Variants in SPEG observed in about 807,000 individuals in gnomAD.
SPEG encodes striated muscle enriched protein kinase.
In SPEG, 114 loss-of-function variants were observed where a neutral mutation model predicts 300.4. The observed-to-expected ratio is 0.38, with a 90% CI of 0.33 to 0.44. The LOEUF (loss-of-function observed/expected upper bound fraction) is 0.44. Among genes scored for constraint, SPEG ranks in the 20% least tolerant of loss-of-function variants. The probability of loss-of-function intolerance (pLI) is 1.00; values close to 1 mark genes in which losing one functional copy is unlikely to be tolerated. For missense variants in SPEG, 4,201 were observed against 4,586.2 expected, an observed-to-expected ratio of 0.92 and a Z score of 2.43; for synonymous variants, 1,964 against 2,018.9, an observed-to-expected ratio of 0.97 and a Z score of 0.73.
chr2:219,467,188 C>A lies in SPEG; in HGVS notation c.2896C>A (p.Arg966=). 1 of 1,581,638 alleles carries A rather than the reference C, an allele frequency of 6.3e-7. No homozygotes were observed. The highest frequency in any genetic ancestry group is 8.6e-7 in the Non-Finnish European group (1 of 1,165,158). Residue 966 remains arginine, a synonymous_variant, in exon 10 of 41, where the codon CGG becomes AGG. Coordinates refer to ENST00000312358, the MANE Select transcript of SPEG (RefSeq NM_005876.5). ...TTTCCCCTCAGCACACCCTGAAAGC[C>A]GGTCCCTGGCCGTGCTGGCCCCCCT... ...RLEVRAHPES[R]SLAVLAPLQD... is the part of the protein sequence containing the mutation.
At position 219,477,624 on chromosome 2, in the gene SPEG, G is replaced by C; in HGVS notation, c.4730-65G>C. 1 of 1,435,848 alleles carries C rather than the reference G, an allele frequency of 7.0e-7. No homozygotes were observed. Among genetic ancestry groups the C allele is most frequent in the Non-Finnish European group, 9.5e-7 (1 of 1,052,620 alleles). 88.9% of individuals were successfully genotyped at this position (1,435,848 alleles called of 1,614,324 possible). ...TTCTCTCTTCTTCTTCTGTCCACCT[G>C]TCCCAGTCTCTGGCCTGCTTGCTTT... On this transcript the variant is annotated intron_variant, in intron 20 of 40. Coordinates refer to ENST00000312358, the MANE Select transcript of SPEG (RefSeq NM_005876.5). The surrounding 1 kb of genome is among the most constrained non-coding windows in gnomAD (Gnocchi z 6.4).
rs1484150366 is a variant in SPEG, at chr2:219,469,261, G to A, written c.3597G>A (p.Val1199=). Residue 1199 remains valine (V), a synonymous_variant, in exon 13 of 41, where the codon GTG becomes GTA. Coordinates refer to ENST00000312358, the MANE Select transcript of SPEG (RefSeq NM_005876.5). ...TGCGGCCACTGCAGGACCTGGAGGTGGGACTGGCCAAGGAGGCCATGCTAG... is the reference window on the plus strand; with the variant it reads ...TGCGGCCACTGCAGGACCTGGAGGTAGGACTGGCCAAGGAGGCCATGCTAG... ...DFLRPLQDLE[V]GLAKEAMLEC... is the part of the protein sequence containing the mutation. The A allele has an allele frequency of 6.2e-7, 1 of 1,613,816 alleles. No individual in the cohort carries two copies. Among genetic ancestry groups the A allele is most frequent in the African/African-American group, 1.3e-5 (1 of 75,048 alleles).
chr2:219,456,243 C>G (rs1437623858), intron 6 of SPEG, among the ~76,000 whole-genome samples: 1 of 152,248 alleles, frequency 6.6e-6, no homozygotes, highest in African/African-American at 2.4e-5. Context: ...AGGAAGAAAA[C>G]CTTAGCATCC....
rs1285779218 is a variant in SPEG, at chr2:219,464,920, CT to C, written c.2881+314del. The stretch of plus-strand genomic sequence containing the variant: ...CCACTGGCCAAGCTCTCTCTACACT[CT>C]TCTGAGCCTTTGTCACCCTGCTCTG... On this transcript the variant is annotated intron_variant, in intron 9 of 40. Coordinates refer to ENST00000312358, the MANE Select transcript of SPEG (RefSeq NM_005876.5). The surrounding 1 kb of genome is among the most constrained non-coding windows in gnomAD (Gnocchi z 4.5). The C allele has an allele frequency of 1.3e-5, 4 of 319,888 alleles. No individual in the cohort carries two copies. Among genetic ancestry groups the C allele is most frequent in the Non-Finnish European group, 2.3e-5 (4 of 171,918 alleles). The allele number at this position is 319,888 out of a possible 1,614,324, so 19.8% of individuals were successfully genotyped here.
At position 219,484,645 on chromosome 2, in the gene SPEG, G is replaced by T; in HGVS notation, c.7182G>T (p.Val2394=). The T allele has an allele frequency of 6.5e-7, 1 of 1,537,326 alleles. No individual in the cohort carries two copies. The highest frequency in any genetic ancestry group is 1.4e-5 in the African/African-American group (1 of 72,900). Reference sequence around the variant, plus strand: ...GACGGCCTGAGCGCTCACGCTCGGTGCAGGACCTCAGGGCTGTCGGAGAGC... The same window carrying T: ...GACGGCCTGAGCGCTCACGCTCGGTTCAGGACCTCAGGGCTGTCGGAGAGC... ...LVRRPERSRS[V]QDLRAVGEPG... Residue 2394 remains valine, a synonymous_variant, in exon 30 of 41, where the codon GTG becomes GTT. Transcript: ENST00000312358.
intron 28 of SPEG, 86 bp from the exon 29 acceptor site, chr2:219,482,698 G>C: frequency 8.3e-7 from 1 of 1,205,346 alleles, no homozygotes; most frequent in Non-Finnish European, 1.2e-6. Flanking sequence ...CTGCCACCCC[G>C]CCCCATGGAC....
intron 4 of SPEG, among the ~76,000 whole-genome samples, chr2:219,449,874 T>C (rs1162289895): frequency 6.6e-6 from 1 of 152,156 alleles, no homozygotes; most frequent in Non-Finnish European, 1.5e-5. Context: ...ACACAATGCC[T>C]GCCTGTGTGT....
chr2:219,471,808 G>T (rs1162722053), intron 13 of SPEG, 60 bp from the exon 14 acceptor site: 17 of 1,604,784 alleles, frequency 1.1e-5, no homozygotes, highest in Middle Eastern at 3.7e-4. Context: ...GATGGCATGG[G>T]CCTACCCCTC....
rs562537318 is a variant in SPEG at position 219,451,579 on chromosome 2, G to T, written c.2258-46G>T. The T allele has an allele frequency of 6.9e-7, 1 of 1,454,546 alleles. No individual in the cohort carries two copies. Among genetic ancestry groups the T allele is most frequent in the South Asian group, 1.4e-5 (1 of 72,152 alleles). The allele number at this position is 1,454,546 out of a possible 1,614,324, so 90.1% of individuals were successfully genotyped here. Reference sequence around the variant, plus strand: ...GGGGTAGGAGTAGAGATTCTCAGTGGGCGCCTGTGGGCCGTGGCGAGCCGG... The same window carrying T: ...GGGGTAGGAGTAGAGATTCTCAGTGTGCGCCTGTGGGCCGTGGCGAGCCGG... On this transcript the variant is annotated intron_variant, in intron 5 of 40. Coordinates refer to ENST00000312358, the MANE Select transcript of SPEG (RefSeq NM_005876.5). This position sits in a 1 kb window ranked among gnomAD's most constrained non-coding sequence, Gnocchi z 6.4.
Position 219,452,865 on chromosome 2 carries a change from C to G in SPEG, c.2440+1058C>G, listed in dbSNP as rs113856590. 2.7e-3 allele frequency among the ~76,000 whole-genome samples: 406 copies of G among 152,288 alleles called. 1 individual carries two copies. The highest frequency in any genetic ancestry group is 8.6e-3 in the African/African-American group (357 of 41,566). On this transcript the variant is annotated intron_variant, in intron 6 of 40. Transcript: ENST00000312358. ...CCATCCCAGGGCCTCAGCACCTGAG[C>G]AGTGAGGGAGTTCTTGATGCATCTG...
Position 219,449,169 on chromosome 2 carries a change from C to G in SPEG, c.2011C>G (p.Arg671Gly), listed in dbSNP as rs1409398923. 3 of 1,404,476 alleles carry G rather than the reference C, an allele frequency of 2.1e-6. No homozygotes were observed. The highest frequency in any genetic ancestry group is 2.8e-6 in the Non-Finnish European group (3 of 1,079,174). 87.0% of individuals were successfully genotyped at this position (1,404,476 alleles called of 1,614,324 possible). The change falls in exon 4 of 41, where the codon CGC (arginine) becomes GGC (glycine). Residue 671 changes from arginine to glycine, a missense_variant. Coordinates refer to ENST00000312358, the MANE Select transcript of SPEG (RefSeq NM_005876.5). ...GGGGCCTGAGGCAGAGAAGAGGCTT[C>G]GCAGAGGGCCGGAGGAGGACGGTCC... ...RAGPEAEKRL[R>G]RGPEEDGPWG...
In SPEG at chr2:219,488,684, C is replaced by T. The variant is rs764623126; in HGVS notation, c.8026+19C>T. 3.7e-6 allele frequency: 6 copies of T among 1,603,376 alleles called. No homozygotes were observed. The highest frequency in any genetic ancestry group is 3.3e-5 in the South Asian group (3 of 90,072). The stretch of plus-strand genomic sequence containing the variant: ...GTGGCCCGTGAGCCTGGGGCAGGGC[C>T]CCAGGGGGGTAGTGATGGGGATGGT... On this transcript the variant is annotated intron_variant, in intron 33 of 40. Coordinates refer to ENST00000312358, the MANE Select transcript of SPEG (RefSeq NM_005876.5).
Position 219,484,750 on chromosome 2 carries a change from G to A in SPEG, c.7287G>A (p.Trp2429Ter). ...RTPPAQRHPAWEARGGDGESS... is the reference protein window; with the variant it reads ...RTPPAQRHPA ...CTCCCGCGCAGCGCCACCCGGCCTG[G>A]GAGGCCCGCGGCGGGGACGGAGAGA... Residue 2429 changes from tryptophan (W) to a stop codon, truncating the protein, a stop_gained, in exon 30 of 41, where the codon TGG becomes TGA. Coordinates refer to ENST00000312358, the MANE Select transcript of SPEG (RefSeq NM_005876.5). LOFTEE classifies it high-confidence loss of function. 2 of 1,466,376 alleles carry A rather than the reference G, an allele frequency of 1.4e-6. No individual in the cohort carries two copies. The highest frequency in any genetic ancestry group is 1.8e-6 in the Non-Finnish European group (2 of 1,120,880). 90.8% of individuals were successfully genotyped at this position (1,466,376 alleles called of 1,614,324 possible). A position where few individuals can be genotyped will look rare whatever the true frequency, so the allele number is the denominator to read the frequency against.
In SPEG at chr2:219,480,738, G is replaced by T; in HGVS notation, c.5369+41G>T. On this transcript the variant is annotated intron_variant, in intron 26 of 40. Coordinates refer to ENST00000312358, the MANE Select transcript of SPEG (RefSeq NM_005876.5). The surrounding 1 kb of genome is among the most constrained non-coding windows in gnomAD (Gnocchi z 5.3). Reference sequence around the variant, plus strand: ...CAATGTCCCAGCAGTCTCCTGGCAGGTCTACCCCTAACCTTTGCAGGGCTG... The same window carrying T: ...CAATGTCCCAGCAGTCTCCTGGCAGTTCTACCCCTAACCTTTGCAGGGCTG... 1 of 1,605,932 alleles carries T rather than the reference G, an allele frequency of 6.2e-7. No homozygotes were observed. The highest frequency in any genetic ancestry group is 8.5e-7 in the Non-Finnish European group (1 of 1,172,744).
rs1397978959 is a variant in SPEG, at chr2:219,490,871, G to A, written c.9300G>A (p.Lys3100=). 1 of 1,613,936 alleles carries A rather than the reference G, an allele frequency of 6.2e-7. No homozygotes were observed. Among genetic ancestry groups the A allele is most frequent in the Admixed American group, 1.7e-5 (1 of 60,030 alleles). Residue 3100 remains lysine, a synonymous_variant, in exon 38 of 41, where the codon AAG becomes AAA. Coordinates refer to ENST00000312358, the MANE Select transcript of SPEG (RefSeq NM_005876.5). ...NLLLAPDNAL[K]IVDFGSAQPY... Reference sequence around the variant, plus strand: ...TGCTGGCCCCTGACAATGCCCTCAAGATTGTGGACTTTGGCAGTGCCCAGC... The same window carrying A: ...TGCTGGCCCCTGACAATGCCCTCAAAATTGTGGACTTTGGCAGTGCCCAGC...
At chr2:219,442,045 C>G in intron 1 of SPEG, 1 of 1,177,354 alleles carries the variant, frequency 8.5e-7, no homozygotes, top group Non-Finnish European at 1.1e-6. Flanking sequence ...GGCCCCCTCC[C>G]CCGCCATGAA....
chr2:219,477,586 A>T lies in SPEG; in HGVS notation c.4730-103A>T, dbSNP rs1248781202. 1 of 1,372,024 alleles carries T rather than the reference A, an allele frequency of 7.3e-7. No individual in the cohort carries two copies. Among genetic ancestry groups the T allele is most frequent in the African/African-American group, 1.5e-5 (1 of 68,638 alleles). The allele number at this position is 1,372,024 out of a possible 1,614,324, so 85.0% of individuals were successfully genotyped here. On this transcript the variant is annotated intron_variant, in intron 20 of 40. Transcript: ENST00000312358. This position sits in a 1 kb window ranked among gnomAD's most constrained non-coding sequence, Gnocchi z 6.4. ...CAGCACCCCGCCTTGAGCCCCCAAC[A>T]TTCTTGCACCTCTTCTCTCTTCTTC... is the stretch of plus-strand genomic sequence containing the variant.
chr2:219,479,693 C>T lies in SPEG; in HGVS notation c.5086-90C>T. 1 of 1,221,670 alleles carries T rather than the reference C, an allele frequency of 8.2e-7. No individual in the cohort carries two copies. The highest frequency in any genetic ancestry group is 1.2e-6 in the Non-Finnish European group (1 of 830,390). The allele number at this position is 1,221,670 out of a possible 1,614,324, so 75.7% of individuals were successfully genotyped here. A position where few individuals can be genotyped will look rare whatever the true frequency, so the allele number is the denominator to read the frequency against. ...TCCACGAGCCATCTGAAGGCTACTC[C>T]ACAGGCACAGCCGGACCGCTTGCCG... On this transcript the variant is annotated intron_variant, in intron 23 of 40. Coordinates refer to ENST00000312358, the MANE Select transcript of SPEG (RefSeq NM_005876.5). The surrounding 1 kb of genome is among the most constrained non-coding windows in gnomAD (Gnocchi z 5.5).
intron 9 of SPEG, 128 bp from the exon 10 acceptor site, chr2:219,467,046 C>T (rs1040679735): frequency 4.7e-6 from 6 of 1,283,034 alleles, no homozygotes; most frequent in Middle Eastern, 2.8e-4. Flanking sequence ...GGGCTTTCCC[C>T]ATCTCCAGAG....
Sources: gnomAD v4.1 joint callset for allele counts (sites outside exome capture counted in the v4.1 genomes callset) on GRCh38, gnomAD v4.1.1 for gene constraint, Gnocchi (gnomAD v3.1) non-coding constraint, MANE v1.5 for transcripts, NCBI Gene and HGNC (gene_info 2026-07-23, HGNC 2026-07-21) for gene names.